Variants in AGPS observed in about 807,000 individuals in gnomAD.
AGPS encodes the protein alkyldihydroxyacetonephosphate synthase, peroxisomal.
Under a neutral mutation model 90.7 loss-of-function variants are expected in AGPS, and 26 were observed. The ratio of observed to expected loss-of-function variants is 0.29; its 90% CI spans 0.21 to 0.40. AGPS has a LOEUF of 0.40. Ranked by LOEUF, AGPS falls within the 10% of genes least tolerant of loss-of-function variation. AGPS has a pLI of 1.00. For missense variants in AGPS, 540 were observed against 816.1 expected, an observed-to-expected ratio of 0.66 and a Z score of 4.12; for synonymous variants, 294 against 285.3, an observed-to-expected ratio of 1.03 and a Z score of -0.31.
chr2:177,419,125 A>G (rs1463464827), intron 1 of AGPS, among the ~76,000 whole-genome samples: 2 of 151,876 alleles, frequency 1.3e-5, no homozygotes, highest in Non-Finnish European at 3.0e-5. Flanking sequence ...CTCATAATTA[A>G]TTACCTGTAT....
chr2:177,502,341 A>G (rs540361635), intron 14 of AGPS, among the ~76,000 whole-genome samples: 7 of 150,888 alleles, frequency 4.6e-5, no homozygotes, highest in South Asian at 2.1e-4. Flanking sequence ...AGATGTGGAC[A>G]TCTTCTATTT....
At chr2:177,536,967 C>T (rs1475489883) in intron 19 of AGPS, among the ~76,000 whole-genome samples, 1 of 152,092 alleles carries the variant, frequency 6.6e-6, no homozygotes, top group Non-Finnish European at 1.5e-5. Flanking sequence ...AGGCTGAATA[C>T]TTTAATGAAA....
At position 177,499,692 on chromosome 2, in the gene AGPS, A is replaced by G. The variant is rs753932510; in HGVS notation, c.1437A>G (p.Gln479=). Residue 479 remains glutamine (Q), a synonymous_variant, in exon 14 of 20, where the codon CAA becomes CAG. Transcript: ENST00000264167. ...AGGGGGATCGTGAGAAGGTTCTTCA[A>G]CATGAAAAACAAGTGTATGATATTG... ...LFEGDREKVL[Q]HEKQVYDIAA... 6.8e-5 allele frequency: 110 copies of G among 1,612,536 alleles called. 1 individual carries two copies. The South Asian group carries it at 1.0e-3, about 15-fold the overall frequency.
intron 19 of AGPS, among the ~76,000 whole-genome samples, chr2:177,530,398 A>G (rs1037785931): frequency 7.2e-5 from 11 of 152,220 alleles, no homozygotes; most frequent in Non-Finnish European, 1.2e-4. Flanking sequence ...TAAATTTTAA[A>G]TAATGTTTTT....
chr2:177,478,200 CTGA>C (rs777761219), intron 10 of AGPS, among the ~76,000 whole-genome samples: 8 of 152,248 alleles, frequency 5.3e-5, no homozygotes, highest in Admixed American at 1.3e-4. Flanking sequence ...ATTGTTTCTG[CTGA>C]TAAGTCAGCT....
intron 19 of AGPS, among the ~76,000 whole-genome samples, chr2:177,537,679 G>T (rs12693121): frequency 6.6e-6 from 1 of 152,168 alleles, no homozygotes; most frequent in Middle Eastern, 3.4e-3. Flanking sequence ...CAACAAATTC[G>T]TCTCAATGTG....
At chr2:177,487,361 T>C (rs1043949348) in intron 11 of AGPS, among the ~76,000 whole-genome samples, 2 of 152,176 alleles carry the variant, frequency 1.3e-5, no homozygotes, top group Non-Finnish European at 2.9e-5. Context: ...TTTAGAATTA[T>C]AGATGAAAAT....
intron 1 of AGPS, among the ~76,000 whole-genome samples, chr2:177,413,889 C>T (rs10930788): frequency 0.86 from 131,272 of 152,210 alleles, 56,814 homozygotes; most frequent in East Asian, 0.95. Flanking sequence ...TTTTCAAATG[C>T]GTCATTCAAA....
chr2:177,443,281 T>C (rs1321169711), intron 7 of AGPS, among the ~76,000 whole-genome samples: 1 of 152,226 alleles, frequency 6.6e-6, no homozygotes, highest in Non-Finnish European at 1.5e-5. Flanking sequence ...TTTGTTCAAA[T>C]GGGGATCCAG....
At chr2:177,536,316 C>G (rs1017440616) in intron 19 of AGPS, among the ~76,000 whole-genome samples, 2 of 152,178 alleles carry the variant, frequency 1.3e-5, no homozygotes, top group South Asian at 4.1e-4. Flanking sequence ...CTGGTATTCA[C>G]TGCTCGTCAC....
chr2:177,426,154 A>G (rs1034688221), intron 2 of AGPS, among the ~76,000 whole-genome samples: 1 of 152,118 alleles, frequency 6.6e-6, no homozygotes, highest in African/African-American at 2.4e-5. Context: ...CTTTGTAGCA[A>G]TTGTGAATGG....
At chr2:177,473,333 T>G (rs2105682282) in intron 10 of AGPS, among the ~76,000 whole-genome samples, 1 of 152,350 alleles carries the variant, frequency 6.6e-6, no homozygotes, top group Middle Eastern at 3.4e-3. Context: ...AGAATATATT[T>G]TCAAATTATG....
At chr2:177,522,797 G>C (rs527558308) in intron 18 of AGPS, among the ~76,000 whole-genome samples, 14 of 152,114 alleles carry the variant, frequency 9.2e-5, no homozygotes, top group East Asian at 1.9e-4. Flanking sequence ...TGGTCCGTCT[G>C]TCCCACCTGG....
chr2:177,470,365 A>T lies in AGPS; in HGVS notation c.1105+1841A>T, dbSNP rs549264464. 7.0e-4 allele frequency among the ~76,000 whole-genome samples: 106 copies of T among 152,298 alleles called. No homozygotes were observed. In the Middle Eastern group the frequency reaches 0.01, roughly 15 times the overall value. On this transcript the variant is annotated intron_variant, in intron 10 of 19. Coordinates refer to ENST00000264167, the MANE Select transcript of AGPS (RefSeq NM_003659.4). Reference sequence around the variant, plus strand: ...CCGTAGGTAGTCACTAACTGTATGAATTTAAGGAAGGGACAAAGTTATTAT... The same window carrying T: ...CCGTAGGTAGTCACTAACTGTATGATTTTAAGGAAGGGACAAAGTTATTAT...
chr2:177,526,429 CA>C (rs1048267612), intron 19 of AGPS, among the ~76,000 whole-genome samples: 1 of 152,022 alleles, frequency 6.6e-6, no homozygotes, highest in Non-Finnish European at 1.5e-5. Context: ...GGGTTTTCAC[CA>C]TGTTGGCCAG....
intron 10 of AGPS, among the ~76,000 whole-genome samples, chr2:177,469,720 T>A (rs1405942213): frequency 1.3e-5 from 2 of 152,224 alleles, no homozygotes; most frequent in Non-Finnish European, 2.9e-5. Flanking sequence ...AGAAGTCAAG[T>A]TGAATAACGA....
intron 2 of AGPS, among the ~76,000 whole-genome samples, chr2:177,430,895 C>A (rs952311159): frequency 6.6e-6 from 1 of 152,076 alleles, no homozygotes; most frequent in African/African-American, 2.4e-5. Flanking sequence ...TTAGAAATCA[C>A]AAGTTAGTAT....
chr2:177,450,677 C>G (rs1458181391), intron 8 of AGPS, among the ~76,000 whole-genome samples: 2 of 151,976 alleles, frequency 1.3e-5, no homozygotes, highest in Non-Finnish European at 2.9e-5. Flanking sequence ...ATTACTATAG[C>G]TTTATCACGA....
chr2:177,397,911 G>T (rs1457400454), intron 1 of AGPS, among the ~76,000 whole-genome samples: 1 of 152,118 alleles, frequency 6.6e-6, no homozygotes, highest in African/African-American at 2.4e-5. Context: ...CAGGCCTGTG[G>T]TTTCAGCTAC....
Sources: gnomAD v4.1 joint callset for allele counts (sites outside exome capture counted in the v4.1 genomes callset) on GRCh38, gnomAD v4.1.1 for gene constraint, MANE v1.5 for transcripts, NCBI Gene and HGNC (gene_info 2026-07-23, HGNC 2026-07-21) for gene names.